Variants in NFIB observed in about 807,000 individuals in gnomAD.
The protein encoded by NFIB is nuclear factor 1 B-type.
Under a neutral mutation model 61.5 loss-of-function variants are expected in NFIB, and 11 were observed. The ratio of observed to expected loss-of-function variants is 0.18; its 90% CI spans 0.11 to 0.30. The LOEUF (loss-of-function observed/expected upper bound fraction) is 0.30, where lower values mean the gene tolerates loss of function less well. NFIB is among the 10% of genes least tolerant of loss of function. The pLI is 1.00. For missense variants in NFIB, 471 were observed against 608.9 expected (o/e 0.77, Z 2.38); for synonymous variants, 260 against 216.5 (o/e 1.20, Z -1.76).
At chr9:14,095,842 G>A (rs1030804819) in intron 10 of NFIB, among the ~76,000 whole-genome samples, 5 of 151,974 alleles carry the variant, frequency 3.3e-5, no homozygotes, top group Non-Finnish European at 7.4e-5. Flanking sequence ...TGTTCACAAG[G>A]GCAAAAGATC....
intron 1 of NFIB, among the ~76,000 whole-genome samples, chr9:14,391,442 A>G (rs754463125): frequency 9.2e-6 from 1 of 108,488 alleles, no homozygotes; most frequent in Non-Finnish European, 1.9e-5. Flanking sequence ...AGCTGGTACC[A>G]GGGAAAGGCA....
intron 2 of NFIB, among the ~76,000 whole-genome samples, chr9:14,223,525 TAGA>T (rs1437328518): frequency 6.6e-6 from 1 of 152,204 alleles, no homozygotes; most frequent in African/African-American, 2.4e-5. Context: ...TATAAAAATG[TAGA>T]AACCACTAAT....
chr9:14,491,725 T>A, the NFIB span, among the ~76,000 whole-genome samples: 1 of 152,194 alleles, frequency 6.6e-6, no homozygotes, highest in East Asian at 1.9e-4. Flanking sequence ...GAAGTTTAAT[T>A]ATAAATTCAA....
At chr9:14,100,426 T>C (rs1287288844) in intron 10 of NFIB, among the ~76,000 whole-genome samples, 2 of 152,140 alleles carry the variant, frequency 1.3e-5, no homozygotes, top group African/African-American at 4.8e-5. Context: ...AAAATTACTG[T>C]GGCCGGGCGC....
intron 2 of NFIB, among the ~76,000 whole-genome samples, chr9:14,299,228 T>TAGC (rs922534703): frequency 3.3e-5 from 5 of 152,180 alleles, no homozygotes; most frequent in African/African-American, 1.2e-4. Context: ...ACCATTCCGT[T>TAGC]AGCACCAATA....
At chr9:14,478,341 C>G in the NFIB span, among the ~76,000 whole-genome samples, 3 of 152,166 alleles carry the variant, frequency 2.0e-5, no homozygotes, top group African/African-American at 7.2e-5. Flanking sequence ...CTCACCTTCT[C>G]TCTCTCTCCT....
intron 2 of NFIB, 85 bp downstream of exon 2, chr9:14,306,904 C>T (rs533215510): frequency 6.6e-7 from 1 of 1,525,764 alleles, no homozygotes; most frequent in Non-Finnish European, 8.9e-7. Context: ...GCCTTGAGGA[C>T]CATCTAACTC....
At chr9:14,198,196 A>G (rs1339777218) in intron 2 of NFIB, among the ~76,000 whole-genome samples, 1 of 152,114 alleles carries the variant, frequency 6.6e-6, no homozygotes, top group East Asian at 1.9e-4. Context: ...TCCCTTCCAT[A>G]ACAGAAATCA....
At chr9:14,314,225 A>T, upstream of NFIB, 1 of 601,338 alleles carries the variant, frequency 1.7e-6, no homozygotes, top group Non-Finnish European at 2.0e-6. Flanking sequence ...GGGGTGAGGG[A>T]GGGGGCGCGA....
intron 1 of NFIB, among the ~76,000 whole-genome samples, chr9:14,386,729 A>G (rs781045373): frequency 2.6e-5 from 4 of 152,230 alleles, no homozygotes; most frequent in Non-Finnish European, 4.4e-5. Flanking sequence ...TATATTTATT[A>G]GATTGTATAG....
the NFIB span, among the ~76,000 whole-genome samples, chr9:14,449,220 G>T: frequency 1.3e-5 from 2 of 152,172 alleles, no homozygotes; most frequent in Non-Finnish European, 2.9e-5. Context: ...TAGTGTCAGG[G>T]TCCAACCAAA....
In NFIB at chr9:14,313,470, C is replaced by G. The variant is rs768458256; in HGVS notation, c.30+12G>C. 20 of 1,613,178 alleles carry G rather than the reference C, an allele frequency of 1.2e-5. No individual in the cohort carries two copies. Among genetic ancestry groups the G allele is most frequent in the Non-Finnish European group, 1.4e-5 (17 of 1,179,598 alleles). On this transcript the variant is annotated intron_variant, in intron 1 of 10. Coordinates refer to ENST00000380953, the MANE Select transcript of NFIB (RefSeq NM_001190737.2). This position sits in a 1 kb window ranked among gnomAD's most constrained non-coding sequence, Gnocchi z 4.5. The stretch of plus-strand genomic sequence containing the variant: ...CAGAGAGAAAGCTCGAGAAAGCGAC[C>G]GAGACATGTACCTGAGTGAGACAGA...
chr9:14,387,645 CA>C (rs2061564550), intron 1 of NFIB, among the ~76,000 whole-genome samples: 1 of 152,102 alleles, frequency 6.6e-6, no homozygotes, highest in South Asian at 2.1e-4. Flanking sequence ...CAAATTAAGA[CA>C]AGATATCATT....
At chr9:14,182,165 T>A (rs563661763) in intron 2 of NFIB, among the ~76,000 whole-genome samples, 1 of 152,320 alleles carries the variant, frequency 6.6e-6, no homozygotes, top group Admixed American at 6.5e-5. Flanking sequence ...CTTCTTCGAT[T>A]GAAAAAATAT....
At chr9:14,412,534 G>A in the NFIB span, among the ~76,000 whole-genome samples, 1 of 152,164 alleles carries the variant, frequency 6.6e-6, no homozygotes, top group African/African-American at 2.4e-5. Flanking sequence ...GCTGCGACTG[G>A]CCTCCCTACA....
chr9:14,396,421 C>T (rs1412726933), intron 1 of NFIB, among the ~76,000 whole-genome samples: 1 of 152,170 alleles, frequency 6.6e-6, no homozygotes, highest in East Asian at 1.9e-4. Flanking sequence ...GCACGCCTCC[C>T]ATGGGAGCTC....
intron 7 of NFIB, among the ~76,000 whole-genome samples, chr9:14,121,203 G>A (rs1268429405): frequency 6.6e-6 from 1 of 152,240 alleles, no homozygotes; most frequent in Non-Finnish European, 1.5e-5. Flanking sequence ...GACGGAGGTT[G>A]CAGTGAGCCG....
At chr9:14,248,465 C>A (rs987960347) in intron 2 of NFIB, among the ~76,000 whole-genome samples, 4 of 152,006 alleles carry the variant, frequency 2.6e-5, no homozygotes, top group Non-Finnish European at 5.9e-5. Flanking sequence ...GGGATGGGAT[C>A]TCACTATGTT....
rs545719719 is a variant in NFIB, at chr9:14,085,240, A to G, written c.*3069T>C. 10 of 227,722 alleles carry G rather than the reference A, an allele frequency of 4.4e-5. No individual in the cohort carries two copies. The South Asian group carries it at 1.8e-3, about 42-fold the overall frequency. The allele number at this position is 227,722 out of a possible 1,614,324, so 14.1% of individuals were successfully genotyped here. ...TCTAAAGTATTCATTATTAAATGATATGCTGTGAGAACAATTGACAGTTTA... is the reference window on the plus strand; with the variant it reads ...TCTAAAGTATTCATTATTAAATGATGTGCTGTGAGAACAATTGACAGTTTA... On this transcript the variant is annotated 3_prime_UTR_variant, in exon 11 of 11. Coordinates refer to ENST00000380953, the MANE Select transcript of NFIB (RefSeq NM_001190737.2).
Sources: gnomAD v4.1 joint callset for allele counts (sites outside exome capture counted in the v4.1 genomes callset) on GRCh38, gnomAD v4.1.1 for gene constraint, Gnocchi (gnomAD v3.1) non-coding constraint, MANE v1.5 for transcripts, NCBI Gene and HGNC (gene_info 2026-07-23, HGNC 2026-07-21) for gene names.